Variants in EP400 observed in about 807,000 individuals in gnomAD.
EP400 encodes the protein E1A-binding protein p400.
A neutral mutation model predicts 354.1 loss-of-function variants in EP400; 105 were observed. The ratio of observed to expected loss-of-function variants is 0.30; its 90% confidence interval spans 0.25 to 0.35. The LOEUF (loss-of-function observed/expected upper bound fraction) is 0.35, where lower values mean the gene tolerates loss of function less well. EP400 is among the 10% of genes least tolerant of loss of function. The pLI is 1.00. For synonymous variants in EP400, 1,646 were observed against 1,716.9 expected, an observed-to-expected ratio of 0.96 and a Z score of 1.02; for missense variants, 3,280 against 4,121.0, an observed-to-expected ratio of 0.80 and a Z score of 5.59.
chr12:131,958,055 T>A (rs1304991918), intron 1 of EP400, among the ~76,000 whole-genome samples: 2 of 152,240 alleles, frequency 1.3e-5, no homozygotes, highest in Admixed American at 1.3e-4. Flanking sequence ...TAGCCCTCAT[T>A]TTCTCTTACT....
At position 132,018,645 on chromosome 12, in the gene EP400, A is replaced by AT. The variant is rs968056674; in HGVS notation, c.4277+272dup. Among the ~76,000 whole-genome samples, 16 of 152,234 alleles carry AT rather than the reference A, an allele frequency of 1.1e-4. 1 individual carries two copies. The highest frequency in any genetic ancestry group is 3.6e-4 in the African/African-American group (15 of 41,530). ...AGGGTAGGGTGGGTGTCAGGGCTGCATTTGACCTGGTGCCTCGTGTGGTGG... is the reference window on the plus strand; with the variant it reads ...AGGGTAGGGTGGGTGTCAGGGCTGCATTTTGACCTGGTGCCTCGTGTGGTGG... On this transcript the variant is annotated intron_variant, in intron 21 of 52. Transcript: ENST00000389561. This position sits in a 1 kb window ranked among gnomAD's most constrained non-coding sequence, Gnocchi z 4.0.
intron 2 of EP400, among the ~76,000 whole-genome samples, chr12:131,978,261 A>C (rs1593321093): frequency 6.6e-6 from 1 of 152,174 alleles, no homozygotes; most frequent in African/African-American, 2.4e-5. Flanking sequence ...GCCCATGTGC[A>C]CAGCCTCCTT....
chr12:132,040,265 C>T (rs1023046413), intron 32 of EP400, among the ~76,000 whole-genome samples: 1 of 152,074 alleles, frequency 6.6e-6, no homozygotes, highest in African/African-American at 2.4e-5. Context: ...CACTCTGTCC[C>T]TGGGAACGTC....
At chr12:132,011,164 T>C (rs555987033) in intron 15 of EP400, among the ~76,000 whole-genome samples, 24 of 152,286 alleles carry the variant, frequency 1.6e-4, no homozygotes, top group Admixed American at 3.3e-4. Context: ...TTCTGAGTGT[T>C]ACTCGTTTCC....
chr12:131,978,596 C>T (rs1348785576), intron 2 of EP400, among the ~76,000 whole-genome samples: 1 of 152,112 alleles, frequency 6.6e-6, no homozygotes, highest in East Asian at 1.9e-4. Flanking sequence ...AGTCCTAGAT[C>T]ACTGCAGCTT....
In EP400 at chr12:132,053,517, C is replaced by T. The variant is rs910700638; in HGVS notation, c.7648C>T (p.Pro2550Ser). 6.9e-5 allele frequency: 107 copies of T among 1,543,482 alleles called. No individual in the cohort carries two copies. Among genetic ancestry groups the T allele is most frequent in the Non-Finnish European group, 9.0e-5 (104 of 1,151,070 alleles). ...TGTCCAGCCCCAACCCCAGCCACAG[C>T]CCCAGACCCAGCCACAGCCTGTGCA... ...PAVQPQPQPQ[P>S]QTQPQPVQAP... The change falls in exon 43 of 53, where the codon CCC becomes TCC. Residue 2550 changes from proline to serine, a missense_variant. Pro to Ser is a moderately conservative substitution (Grantham distance 74, BLOSUM62 -1). This residue lies in a region of EP400 where 255 missense variants were observed against 295.9 expected (regional missense o/e 0.86). Coordinates refer to ENST00000389561, the MANE Select transcript of EP400 (RefSeq NM_015409.5).
intron 1 of EP400, among the ~76,000 whole-genome samples, chr12:131,956,919 T>G (rs562494874): frequency 6.9e-6 from 1 of 145,012 alleles, no homozygotes; most frequent in African/African-American, 2.5e-5. Context: ...TTGCCCAGGC[T>G]GGAGTGCAGT....
rs774691144 is a variant in EP400 at position 132,067,333 on chromosome 12, GCTGA to G, written c.8750-26_8750-23del. 27 of 1,606,470 alleles carry G rather than the reference GCTGA, an allele frequency of 1.7e-5. No homozygotes were observed. The highest frequency in any genetic ancestry group is 1.3e-4 in the Admixed American group (8 of 59,342). On this transcript the variant is annotated intron_variant, in intron 49 of 52. Transcript: ENST00000389561. This position sits in a 1 kb window ranked among gnomAD's most constrained non-coding sequence, Gnocchi z 5.3. Reference sequence around the variant, plus strand: ...GAGCCTCAAGCTCTTTTCCCAGTGTGCTGACTAAGGGGCTTTTGCTGCCTGCAGG... The same window carrying G: ...GAGCCTCAAGCTCTTTTCCCAGTGTGCTAAGGGGCTTTTGCTGCCTGCAGG...
Position 131,994,921 on chromosome 12 carries a change from AC to A in EP400, c.2794del (p.His932ThrfsTer8). On this transcript the variant is annotated frameshift_variant, in exon 12 of 53. Transcript: ENST00000389561. LOFTEE classifies it high-confidence loss of function. This position sits in a 1 kb window ranked among gnomAD's most constrained non-coding sequence, Gnocchi z 4.6. Reference sequence around the variant, plus strand: ...GAGGAAGCAAATGAAGGCGTTGTGGACCACCAAACAGAACTTTCTAATTTAG... The same window carrying A: ...GAGGAAGCAAATGAAGGCGTTGTGGACACCAAACAGAACTTTCTAATTTAG... ...EEEEANEGVV[D>X]HQTELSNLAK... 6.2e-7 allele frequency: 1 copy of A among 1,614,144 alleles called. No individual in the cohort carries two copies. The highest frequency in any genetic ancestry group is 8.5e-7 in the Non-Finnish European group (1 of 1,179,986).
chr12:131,982,797 C>G (rs1892726127), intron 5 of EP400, among the ~76,000 whole-genome samples: 1 of 152,004 alleles, frequency 6.6e-6, no homozygotes, highest in South Asian at 2.1e-4. Flanking sequence ...TGGCGAAACC[C>G]TGTCTCTACT....
At chr12:132,043,564 G>A in intron 33 of EP400, 81 bp from the exon 34 acceptor site, 1 of 1,576,274 alleles carries the variant, frequency 6.3e-7, no homozygotes, top group East Asian at 2.3e-5. Flanking sequence ...TGATTCAAAT[G>A]TTGGTTAGTG....
chr12:131,950,298 C>T (rs549209391), intron 1 of EP400, among the ~76,000 whole-genome samples: 1 of 152,158 alleles, frequency 6.6e-6, no homozygotes, highest in East Asian at 1.9e-4. Flanking sequence ...TTTCTCGTGG[C>T]CCCCCGGGCT....
chr12:132,011,041 T>C (rs1260155214), intron 15 of EP400, among the ~76,000 whole-genome samples: 1 of 152,214 alleles, frequency 6.6e-6, no homozygotes, highest in Non-Finnish European at 1.5e-5. Context: ...GAAGCAGCGA[T>C]GGACACAAGC....
At chr12:132,009,825 GGC>G (rs1158206066) in intron 15 of EP400, among the ~76,000 whole-genome samples, 1 of 144,882 alleles carries the variant, frequency 6.9e-6, no homozygotes, top group Non-Finnish European at 1.5e-5. Context: ...CACCACGCCT[GGC>G]TAATTTTTTT....
intron 41 of EP400, among the ~76,000 whole-genome samples, chr12:132,051,678 A>G (rs7954408): frequency 0.28 from 42,276 of 152,154 alleles, 9,798 homozygotes; most frequent in African/African-American, 0.64. Context: ...ACATGAAGGC[A>G]GACTAGGAGT....
chr12:132,062,027 C>T, intron 45 of EP400, 83 bp from the exon 46 acceptor site: 3 of 1,268,338 alleles, frequency 2.4e-6, no homozygotes, highest in South Asian at 2.5e-5. Context: ...AAGTTGGGTG[C>T]TCTTGTCTTC....
intron 2 of EP400, among the ~76,000 whole-genome samples, chr12:131,979,089 C>T (rs749322497): frequency 5.3e-5 from 8 of 151,832 alleles, no homozygotes; most frequent in Admixed American, 2.0e-4. Context: ...TGGTGGCAGG[C>T]GCCTGTAGTC....
chr12:132,047,950 C>T (rs192864973), intron 39 of EP400, among the ~76,000 whole-genome samples: 5 of 152,300 alleles, frequency 3.3e-5, no homozygotes, highest in Admixed American at 6.5e-5. Flanking sequence ...AAGAATTCAA[C>T]GAATTCAGCA....
At chr12:131,991,056 G>A (rs1187110904) in intron 9 of EP400, among the ~76,000 whole-genome samples, 8 of 152,202 alleles carry the variant, frequency 5.3e-5, no homozygotes, top group African/African-American at 1.7e-4. Flanking sequence ...ATGTTTCTTC[G>A]GCAGCTGCCT....
Sources: gnomAD v4.1 joint callset for allele counts (sites outside exome capture counted in the v4.1 genomes callset) on GRCh38, gnomAD v4.1.1 for gene constraint, gnomAD v4.1.1 regional missense constraint, Gnocchi (gnomAD v3.1) non-coding constraint, MANE v1.5 for transcripts, NCBI Gene and HGNC (gene_info 2026-07-23, HGNC 2026-07-21) for gene names.